The following MROH2B variants were observed in gnomAD, a reference collection of about 807,000 sequenced individuals.
MROH2B encodes the protein maestro heat-like repeat-containing protein family member 2B.
Under a neutral mutation model 208.6 loss-of-function variants are expected in MROH2B, and 177 were observed. The ratio of observed to expected loss-of-function variants is 0.85; its 90% CI spans 0.75 to 0.96. The LOEUF (loss-of-function observed/expected upper bound fraction) is 0.96, where lower values mean the gene tolerates loss of function less well. MROH2B is among the 40% of genes least tolerant of loss of function. MROH2B has a pLI of 0.00. For synonymous variants in MROH2B, 728 were observed against 659.0 expected, an observed-to-expected ratio of 1.10 and a Z score of -1.60; for missense variants, 2,002 against 1,878.7, an observed-to-expected ratio of 1.07 and a Z score of -1.21.
At chr5:41,049,065 A>G in intron 15 of MROH2B, 36 bp downstream of exon 15, 1 of 1,567,590 alleles carries the variant, frequency 6.4e-7, no homozygotes. Flanking sequence ...TATCAGCTTA[A>G]ATTTGTTCTA....
Position 41,004,842 on chromosome 5 carries a change from A to T in MROH2B, c.3943T>A (p.Ser1315Thr), listed in dbSNP as rs1198209619. Reference sequence around the variant, plus strand: ...GCCATCTGCCTCAGAGTGGCGTTGGAGTCCCAGGCACTTTGATCCATCAAG... The same window carrying T: ...GCCATCTGCCTCAGAGTGGCGTTGGTGTCCCAGGCACTTTGATCCATCAAG... Reference protein sequence around the residue: ...LILMDQSAWDSNATLRQMAIR... With the variant: ...LILMDQSAWDTNATLRQMAIR... The change falls in exon 36 of 42, where the codon TCC becomes ACC. Residue 1315 changes from serine (S) to threonine (T), a missense_variant. Physicochemically the swap from Ser to Thr is moderately conservative, Grantham distance 58 (BLOSUM62 1). Transcript: ENST00000399564. 2 of 1,614,006 alleles carry T rather than the reference A, an allele frequency of 1.2e-6. No homozygotes were observed. Among genetic ancestry groups the T allele is most frequent in the South Asian group, 2.2e-5 (2 of 91,080 alleles).
rs776521147 is a variant in MROH2B, at chr5:41,033,136, T to C, written c.2266A>G (p.Thr756Ala). The C allele has an allele frequency of 4.2e-5, 67 of 1,612,828 alleles. 1 individual carries two copies. Among genetic ancestry groups the C allele is most frequent in the Non-Finnish European group, 1.7e-6 (2 of 1,179,214 alleles). Residue 756 changes from threonine to alanine, a missense_variant, in exon 23 of 42, where the codon ACA becomes GCA. Thr to Ala is a moderately conservative substitution (Grantham distance 58). Coordinates refer to ENST00000399564, the MANE Select transcript of MROH2B (RefSeq NM_173489.5). ...ATGCCAATCTCAGTGATGCTTCTTG[T>C]GAAACTCATTTGCAGATCCATGTCC... ...NKDMDLQMSF[T>A]RSITEIGIAV...
intron 29 of MROH2B, 111 bp downstream of exon 29, chr5:41,015,270 T>G (rs1425600885): frequency 4.6e-6 from 4 of 866,720 alleles, no homozygotes; most frequent in Non-Finnish European, 7.1e-6. Context: ...GGACCACGGG[T>G]CCCTCATTCA....
chr5:40,998,278 C>T, intron 41 of MROH2B, 120 bp from the exon 42 acceptor site: 1 of 700,418 alleles, frequency 1.4e-6, no homozygotes, highest in East Asian at 2.5e-5. Context: ...GGGCTCAGGT[C>T]CTCATGCTCA....
rs139151533 is a variant in MROH2B at position 41,005,988 on chromosome 5, G to T, written c.3750-343C>A. ...AGAGGTTGCAGTCAGCCGAGATCGC[G>T]CCACTGCACACTCCAGCCTGGGCGA... is the stretch of plus-strand genomic sequence containing the variant. On this transcript the variant is annotated intron_variant, in intron 34 of 41. Coordinates refer to ENST00000399564, the MANE Select transcript of MROH2B (RefSeq NM_173489.5). Among the ~76,000 whole-genome samples the T allele has an allele frequency of 5.9e-3, 860 of 144,570 alleles. 9 individuals carry two copies. The highest frequency in any genetic ancestry group is 0.021 in the African/African-American group (822 of 38,990). The allele number at this position is 144,570 out of a possible 152,430, so 94.8% of individuals were successfully genotyped here. A position where few individuals can be genotyped will look rare whatever the true frequency, so the allele number is the denominator to read the frequency against.
At chr5:41,032,248 T>C (rs974227703) in intron 24 of MROH2B, among the ~76,000 whole-genome samples, 1 of 152,148 alleles carries the variant, frequency 6.6e-6, no homozygotes, top group African/African-American at 2.4e-5. Flanking sequence ...TTTGAGTTTT[T>C]AGTAATAGCC....
At chr5:41,046,695 G>A (rs1270062979) in intron 17 of MROH2B, among the ~76,000 whole-genome samples, 1 of 151,940 alleles carries the variant, frequency 6.6e-6, no homozygotes, top group Non-Finnish European at 1.5e-5. Context: ...AAGAGGAGAA[G>A]GAACTGTTGT....
intron 18 of MROH2B, among the ~76,000 whole-genome samples, chr5:41,043,046 G>T (rs1743003644): frequency 6.6e-6 from 1 of 152,220 alleles, no homozygotes; most frequent in Non-Finnish European, 1.5e-5. Flanking sequence ...CCAGGTCAAG[G>T]ACTCTGCACA....
intron 10 of MROH2B, 49 bp from the exon 11 acceptor site, chr5:41,054,889 G>GT (rs1354846831): frequency 7.6e-7 from 1 of 1,323,264 alleles, no homozygotes; most frequent in South Asian, 1.3e-5. Context: ...TAGAAGTACA[G>GT]TATGTTCTAG....
chr5:41,059,380 A>G (rs1053787504), intron 6 of MROH2B, among the ~76,000 whole-genome samples: 2 of 152,114 alleles, frequency 1.3e-5, no homozygotes, highest in Admixed American at 6.5e-5. Flanking sequence ...ATTTTAGTAT[A>G]TTTTTTATTT....
At chr5:41,049,825 G>A (rs139732579) in intron 13 of MROH2B, among the ~76,000 whole-genome samples, 7 of 152,186 alleles carry the variant, frequency 4.6e-5, no homozygotes, top group Non-Finnish European at 5.9e-5. Context: ...ATTGGAGTGT[G>A]ACTTCCCCAG....
intron 24 of MROH2B, among the ~76,000 whole-genome samples, chr5:41,024,472 C>A (rs1742278618): frequency 6.6e-6 from 1 of 152,132 alleles, no homozygotes; most frequent in Non-Finnish European, 1.5e-5. Context: ...ATCAATTCAA[C>A]AAGAAGAGCT....
At chr5:41,018,089 G>C in intron 27 of MROH2B, 119 bp from the exon 28 acceptor site, 1 of 1,354,980 alleles carries the variant, frequency 7.4e-7, no homozygotes, top group African/African-American at 1.5e-5. Flanking sequence ...AATGAAATTT[G>C]ATCTTGCACT....
chr5:41,025,025 C>T (rs1297560556), intron 24 of MROH2B, among the ~76,000 whole-genome samples: 13 of 152,168 alleles, frequency 8.5e-5, no homozygotes, highest in East Asian at 1.9e-4. Flanking sequence ...CTCTGGGACA[C>T]ATTTAAAGCA....
chr5:41,021,250 C>T (rs1026916798), intron 24 of MROH2B, among the ~76,000 whole-genome samples: 1 of 152,116 alleles, frequency 6.6e-6, no homozygotes, highest in Non-Finnish European at 1.5e-5. Flanking sequence ...CCAAGTGAAA[C>T]ACAGAAACAC....
rs1231016286 is a variant in MROH2B at position 41,056,579 on chromosome 5, G to A, written c.919+530C>T. ...TTTGTATTCTGACCCTGGGATTTTG[G>A]TGCCCCCCGTGCATCCCATGTCAGG... On this transcript the variant is annotated intron_variant, in intron 9 of 41. Coordinates refer to ENST00000399564, the MANE Select transcript of MROH2B (RefSeq NM_173489.5). Among the ~76,000 whole-genome samples the A allele has an allele frequency of 6.6e-5, 10 of 151,882 alleles. No homozygotes were observed. The East Asian group carries it at 1.7e-3, about 27-fold the overall frequency.
chr5:41,018,259 C>A, intron 27 of MROH2B, 82 bp downstream of exon 27: 1 of 1,364,812 alleles, frequency 7.3e-7, no homozygotes, highest in Admixed American at 2.1e-5. Flanking sequence ...ATCCATCATG[C>A]AGGAGTTTTG....
At chr5:41,068,996 G>A (rs1445471611) in intron 2 of MROH2B, among the ~76,000 whole-genome samples, 2 of 152,132 alleles carry the variant, frequency 1.3e-5, no homozygotes, top group Admixed American at 1.3e-4. Flanking sequence ...CCCTTCACAA[G>A]GAGACAACAC....
At chr5:41,014,793 C>G (rs1741884546) in intron 29 of MROH2B, among the ~76,000 whole-genome samples, 1 of 152,150 alleles carries the variant, frequency 6.6e-6, no homozygotes. Context: ...CAGAGGATCA[C>G]CTCTTACCTC....
Sources: allele counts gnomAD v4.1 joint callset (sites outside exome capture counted in the v4.1 genomes callset), GRCh38; gene constraint gnomAD v4.1.1; transcripts MANE v1.5; gene names NCBI Gene and HGNC (gene_info 2026-07-23, HGNC 2026-07-21).